UGT1A8: variants seen among roughly 807,000 people sequenced by gnomAD.
UGT1A8 encodes UDP glucuronosyltransferase family 1 member A8.
UGT1A8 carries 39 observed loss-of-function variants against 45.3 expected under a neutral mutation model. The observed-to-expected ratio is 0.86, with a 90% CI of 0.67 to 1.12. The LOEUF (loss-of-function observed/expected upper bound fraction) is 1.12, where lower values mean the gene tolerates loss of function less well. Among genes scored for constraint, UGT1A8 ranks in the 50% most tolerant of loss-of-function variants. The pLI is 0.00. For missense variants in UGT1A8, 719 were observed against 664.9 expected, an observed-to-expected ratio of 1.08 and a Z score of -0.90; for synonymous variants, 275 against 249.2, an observed-to-expected ratio of 1.10 and a Z score of -0.97.
At chr2:233,727,757 G>T (rs561921755) in intron 1 of UGT1A8, among the ~76,000 whole-genome samples, 3 of 152,264 alleles carry the variant, frequency 2.0e-5, no homozygotes. Flanking sequence ...TGCTGCCCTT[G>T]AGCTGGGTGT....
chr2:233,711,834 C>T (rs1439514867), intron 1 of UGT1A8, among the ~76,000 whole-genome samples: 7 of 152,150 alleles, frequency 4.6e-5, no homozygotes, highest in African/African-American at 1.2e-4. Context: ...GACAAGGAGG[C>T]GTCAGCAATC....
intron 1 of UGT1A8, among the ~76,000 whole-genome samples, chr2:233,677,963 C>A (rs2074404460): frequency 6.6e-6 from 1 of 152,098 alleles, no homozygotes; most frequent in South Asian, 2.1e-4. Flanking sequence ...ATGTGGAACA[C>A]ATACTCCATG....
chr2:233,739,615 T>G (rs1449918072), intron 1 of UGT1A8, among the ~76,000 whole-genome samples: 1 of 152,228 alleles, frequency 6.6e-6, no homozygotes, highest in Non-Finnish European at 1.5e-5. Context: ...TTGGCCAGTT[T>G]CTCCCATTTG....
chr2:233,691,173 G>T, intron 1 of UGT1A8: 2 of 985,646 alleles, frequency 2.0e-6, no homozygotes, highest in Non-Finnish European at 2.4e-6. Flanking sequence ...CCTAATGTCT[G>T]CCTGCTCAAG....
At chr2:233,630,724 AT>A (rs1575386615) in intron 1 of UGT1A8, among the ~76,000 whole-genome samples, 1 of 150,416 alleles carries the variant, frequency 6.6e-6, no homozygotes, top group Admixed American at 6.6e-5. Context: ...ATACTTTTTT[AT>A]TTTAATTTTT....
At chr2:233,743,546 C>A (rs1478983840) in intron 1 of UGT1A8, 1 of 1,367,310 alleles carries the variant, frequency 7.3e-7, no homozygotes, top group African/African-American at 1.5e-5. Context: ...CTCTGACCCC[C>A]CCAAAATATT....
At chr2:233,650,982 T>C (rs1356448490) in intron 1 of UGT1A8, among the ~76,000 whole-genome samples, 1 of 152,212 alleles carries the variant, frequency 6.6e-6, no homozygotes, top group East Asian at 1.9e-4. Context: ...GTTGTATGTC[T>C]CACACATCGG....
chr2:233,628,931 ATTAT>A (rs1290203817), intron 1 of UGT1A8, among the ~76,000 whole-genome samples: 10 of 152,122 alleles, frequency 6.6e-5, no homozygotes, highest in African/African-American at 1.4e-4. Context: ...GATTTATAAA[ATTAT>A]TTATTTAATC....
intron 1 of UGT1A8, among the ~76,000 whole-genome samples, chr2:233,707,202 C>G (rs2075948467): frequency 6.6e-6 from 1 of 152,136 alleles, no homozygotes; most frequent in African/African-American, 2.4e-5. Flanking sequence ...GTTCTATTCC[C>G]TTTCCATCTT....
chr2:233,729,873 C>A, intron 1 of UGT1A8: 1 of 1,613,864 alleles, frequency 6.2e-7, no homozygotes, highest in Non-Finnish European at 8.5e-7. Context: ...TGGATATTCT[C>A]AGTCATGCAT....
chr2:233,626,905 C>T (rs1485687892), intron 1 of UGT1A8, among the ~76,000 whole-genome samples: 1 of 152,000 alleles, frequency 6.6e-6, no homozygotes, highest in Admixed American at 6.6e-5. Flanking sequence ...GCATTTTCTG[C>T]CTTCAGGGAC....
chr2:233,646,620 C>G (rs2073610369), intron 1 of UGT1A8, among the ~76,000 whole-genome samples: 1 of 152,158 alleles, frequency 6.6e-6, no homozygotes, highest in Admixed American at 6.5e-5. Flanking sequence ...CTGCCAGTCT[C>G]TTTGCTAAAA....
intron 1 of UGT1A8, among the ~76,000 whole-genome samples, chr2:233,707,630 A>G (rs573795071): frequency 6.6e-6 from 1 of 151,152 alleles, no homozygotes; most frequent in South Asian, 2.1e-4. Flanking sequence ...TACTGAATAT[A>G]TCCCATTGTA....
chr2:233,719,718 T>C, intron 1 of UGT1A8: 1 of 1,613,900 alleles, frequency 6.2e-7, no homozygotes, highest in Non-Finnish European at 8.5e-7. Flanking sequence ...CCAATCAATG[T>C]TCCAGGCAAA....
intron 1 of UGT1A8, among the ~76,000 whole-genome samples, chr2:233,694,890 G>A (rs1289653147): frequency 6.6e-6 from 1 of 152,210 alleles, no homozygotes; most frequent in African/African-American, 2.4e-5. Flanking sequence ...GGGGGTTCAT[G>A]TGATATTTTG....
chr2:233,700,593 C>T (rs888574084), intron 1 of UGT1A8, among the ~76,000 whole-genome samples: 1 of 152,066 alleles, frequency 6.6e-6, no homozygotes, highest in Non-Finnish European at 1.5e-5. Flanking sequence ...TATTATGATA[C>T]AATTCACTCT....
At chr2:233,707,372 C>T (rs913924514) in intron 1 of UGT1A8, among the ~76,000 whole-genome samples, 1 of 152,014 alleles carries the variant, frequency 6.6e-6, no homozygotes, top group Non-Finnish European at 1.5e-5. Flanking sequence ...AGGTATTAAG[C>T]TCAGCATCCA....
At chr2:233,618,978 G>A (rs2072951505) in intron 1 of UGT1A8, among the ~76,000 whole-genome samples, 1 of 151,690 alleles carries the variant, frequency 6.6e-6, no homozygotes, top group Non-Finnish European at 1.5e-5. Context: ...ATCATATTTA[G>A]CCCACGTTTT....
At chr2:233,697,699 A>G (rs183919880) in intron 1 of UGT1A8, among the ~76,000 whole-genome samples, 2 of 152,092 alleles carry the variant, frequency 1.3e-5, no homozygotes, top group Admixed American at 1.3e-4. Flanking sequence ...TTTTGGATGT[A>G]GGCATTTATT....
Sources: gnomAD v4.1 joint callset for allele counts (sites outside exome capture counted in the v4.1 genomes callset) on GRCh38, gnomAD v4.1.1 for gene constraint, MANE v1.5 for transcripts, NCBI Gene and HGNC (gene_info 2026-07-23, HGNC 2026-07-21) for gene names.